ZNF804B: variants seen among roughly 807,000 people sequenced by gnomAD.
ZNF804B encodes the protein zinc finger 804B.
Under a neutral mutation model 101.4 loss-of-function variants are expected in ZNF804B, and 80 were observed. That is an observed-to-expected ratio of 0.79 (90% CI 0.66 to 0.95). ZNF804B has a LOEUF of 0.95. ZNF804B is among the 40% of genes least tolerant of loss of function. The probability of loss-of-function intolerance (pLI) is 0.00; values close to 1 mark genes in which losing one functional copy is unlikely to be tolerated. For synonymous variants in ZNF804B, 622 were observed against 558.8 expected, an observed-to-expected ratio of 1.11 and a Z score of -1.59; for missense variants, 1,673 against 1,561.9, an observed-to-expected ratio of 1.07 and a Z score of -1.20.
intron 1 of ZNF804B, among the ~76,000 whole-genome samples, chr7:88,989,708 T>C (rs1257951167): frequency 1.3e-5 from 2 of 152,258 alleles, no homozygotes; most frequent in African/African-American, 2.4e-5. Context: ...TGCTCTTTTA[T>C]GACAAGAAAC....
At chr7:88,932,903 C>T (rs913539061) in intron 1 of ZNF804B, among the ~76,000 whole-genome samples, 13 of 151,014 alleles carry the variant, frequency 8.6e-5, no homozygotes, top group South Asian at 2.1e-4. Flanking sequence ...AAAAGATAAA[C>T]GATTCCAAAA....
rs114670843 is a variant in ZNF804B at position 89,237,492 on chromosome 7, G to A, written c.249+19197G>A. Among the ~76,000 whole-genome samples, 550 of 152,300 alleles carry A rather than the reference G, an allele frequency of 3.6e-3. 7 individuals are homozygous for A. Among genetic ancestry groups the A allele is most frequent in the African/African-American group, 0.012 (511 of 41,574 alleles). On this transcript the variant is annotated intron_variant, in intron 2 of 3. Transcript: ENST00000333190. The stretch of plus-strand genomic sequence containing the variant: ...ATGATGATGAGTTCAGATGAAGCAT[G>A]TTAAAGTACTTCATAAGTTCCTAAA...
At chr7:89,239,800 T>G (rs1324740378) in intron 2 of ZNF804B, among the ~76,000 whole-genome samples, 1 of 143,938 alleles carries the variant, frequency 6.9e-6, no homozygotes, top group Non-Finnish European at 1.5e-5. Context: ...GTCATTTTTC[T>G]TTATATATAT....
intron 1 of ZNF804B, among the ~76,000 whole-genome samples, chr7:89,211,878 A>G (rs552277514): frequency 6.6e-6 from 1 of 152,282 alleles, no homozygotes; most frequent in South Asian, 2.1e-4. Flanking sequence ...TAATTCTGTG[A>G]AGAATGTCCA....
intron 1 of ZNF804B, among the ~76,000 whole-genome samples, chr7:88,855,839 C>A (rs902139681): frequency 1.3e-5 from 2 of 152,150 alleles, no homozygotes; most frequent in African/African-American, 4.8e-5. Context: ...CCAGTTTTCC[C>A]AGCACCATTT....
At chr7:88,883,191 A>T (rs964902224) in intron 1 of ZNF804B, among the ~76,000 whole-genome samples, 1 of 152,060 alleles carries the variant, frequency 6.6e-6, no homozygotes, top group Non-Finnish European at 1.5e-5. Context: ...CTCATAAGGA[A>T]ATTGTTTAAA....
At position 89,218,403 on chromosome 7, in the gene ZNF804B, C is replaced by T; in HGVS notation, c.249+108C>T. 3 of 1,289,412 alleles carry T rather than the reference C, an allele frequency of 2.3e-6. No homozygotes were observed. The South Asian group carries it at 4.3e-5, about 19-fold the overall frequency. 79.9% of individuals were successfully genotyped at this position (1,289,412 alleles called of 1,614,324 possible). On this transcript the variant is annotated intron_variant, in intron 2 of 3. Transcript: ENST00000333190. Reference sequence around the variant, plus strand: ...GCCATATAAGACTGTGAGGTAAGAACATTTTATGTCTTTTTTCCCCCCTGG... The same window carrying T: ...GCCATATAAGACTGTGAGGTAAGAATATTTTATGTCTTTTTTCCCCCCTGG...
chr7:88,806,537 G>A (rs1437037804), intron 1 of ZNF804B, among the ~76,000 whole-genome samples: 1 of 151,612 alleles, frequency 6.6e-6, no homozygotes, highest in African/African-American at 2.4e-5. Flanking sequence ...TTGTTATATG[G>A]GTTAAATCTC....
chr7:89,097,159 C>T (rs759122417), intron 1 of ZNF804B, among the ~76,000 whole-genome samples: 29 of 152,182 alleles, frequency 1.9e-4, no homozygotes, highest in Non-Finnish European at 2.2e-4. Flanking sequence ...CCTCATCTTG[C>T]TTTCTGCAAT....
chr7:89,329,881 T>C (rs1790952037), intron 3 of ZNF804B, among the ~76,000 whole-genome samples: 2 of 151,704 alleles, frequency 1.3e-5, no homozygotes, highest in African/African-American at 4.8e-5. Flanking sequence ...AGCTGGAAAA[T>C]GGAACACGAA....
intron 3 of ZNF804B, among the ~76,000 whole-genome samples, chr7:89,329,308 T>C (rs1790942930): frequency 6.6e-6 from 1 of 151,712 alleles, no homozygotes; most frequent in South Asian, 2.1e-4. Context: ...TCTTAGCCAA[T>C]TGCTCTCTCT....
chr7:88,940,926 A>G (rs934388640), intron 1 of ZNF804B, among the ~76,000 whole-genome samples: 1 of 151,652 alleles, frequency 6.6e-6, no homozygotes, highest in Non-Finnish European at 1.5e-5. Flanking sequence ...AAATTCAACA[A>G]TAAGAAAATA....
chr7:88,881,010 A>G (rs1204998112), intron 1 of ZNF804B, among the ~76,000 whole-genome samples: 1 of 152,054 alleles, frequency 6.6e-6, no homozygotes, highest in Non-Finnish European at 1.5e-5. Context: ...GCATCTCATA[A>G]CTCTAACTCA....
At chr7:89,180,865 T>C (rs1471555962) in intron 1 of ZNF804B, among the ~76,000 whole-genome samples, 1 of 146,926 alleles carries the variant, frequency 6.8e-6, no homozygotes. Context: ...AGAATGCCTT[T>C]TGTGTTTATT....
At chr7:88,879,680 C>T (rs1792003896) in intron 1 of ZNF804B, among the ~76,000 whole-genome samples, 1 of 152,100 alleles carries the variant, frequency 6.6e-6, no homozygotes, top group Non-Finnish European at 1.5e-5. Context: ...TCTTTCTGGA[C>T]CGCACCCTGT....
At chr7:89,078,887 G>C (rs1235027453) in intron 1 of ZNF804B, among the ~76,000 whole-genome samples, 1 of 151,766 alleles carries the variant, frequency 6.6e-6, no homozygotes, top group Non-Finnish European at 1.5e-5. Flanking sequence ...ATATATAAAG[G>C]CCTACTTTAT....
intron 2 of ZNF804B, among the ~76,000 whole-genome samples, chr7:89,254,414 GGAA>G (rs1789593186): frequency 6.6e-6 from 1 of 150,938 alleles, no homozygotes; most frequent in Admixed American, 6.6e-5. Flanking sequence ...AAATCCTTTA[GGAA>G]GAAGACTACA....
chr7:88,868,048 A>AGTGTGTGTGTGT (rs34267852), intron 1 of ZNF804B, among the ~76,000 whole-genome samples: 8 of 142,652 alleles, frequency 5.6e-5, no homozygotes, highest in African/African-American at 1.5e-4. Context: ...TGTGTGTGTG[A>AGTGTGTGTGTGT]GTGTGTGTGT....
At chr7:88,896,267 A>T (rs905713666) in intron 1 of ZNF804B, among the ~76,000 whole-genome samples, 3 of 152,240 alleles carry the variant, frequency 2.0e-5, no homozygotes, top group Non-Finnish European at 2.9e-5. Context: ...TAGCTGTTTC[A>T]AATATATCAT....
Sources: allele counts gnomAD v4.1 joint callset (sites outside exome capture counted in the v4.1 genomes callset), GRCh38; gene constraint gnomAD v4.1.1; transcripts MANE v1.5; gene names NCBI Gene and HGNC (gene_info 2026-07-23, HGNC 2026-07-21).